TTC28: variants seen among roughly 807,000 people sequenced by gnomAD.
The protein encoded by TTC28 is tetratricopeptide repeat protein 28.
A neutral mutation model predicts 198.0 loss-of-function variants in TTC28; 61 were observed. The observed-to-expected ratio is 0.31, with a 90% confidence interval of 0.25 to 0.38. The LOEUF is 0.38. TTC28 is among the 10% of genes least tolerant of loss of function. TTC28 has a pLI of 1.00. For missense variants in TTC28, 2,678 were observed against 3,164.0 expected, an observed-to-expected ratio of 0.85 and a Z score of 3.69; for synonymous variants, 1,171 against 1,297.8, an observed-to-expected ratio of 0.90 and a Z score of 2.10.
intron 2 of TTC28, among the ~76,000 whole-genome samples, chr22:28,416,353 C>A (rs530966502): frequency 6.6e-6 from 1 of 152,322 alleles, no homozygotes; most frequent in African/African-American, 2.4e-5. Flanking sequence ...TACCCACACA[C>A]AATTTCCTAC....
chr22:28,068,350 G>A (rs1433426951), intron 12 of TTC28, among the ~76,000 whole-genome samples: 1 of 152,172 alleles, frequency 6.6e-6, no homozygotes, highest in Non-Finnish European at 1.5e-5. Context: ...GGTCATAGTT[G>A]TCCTGCCTCT....
intron 2 of TTC28, among the ~76,000 whole-genome samples, chr22:28,622,316 AACCACTGAGTC>A (rs2051012766): frequency 6.6e-6 from 1 of 152,242 alleles, no homozygotes; most frequent in Non-Finnish European, 1.5e-5. Flanking sequence ...ATCTTTGGCT[AACCACTGAGTC>A]ACACATGTAC....
At chr22:28,632,625 A>G (rs1416634995) in intron 1 of TTC28, among the ~76,000 whole-genome samples, 1 of 152,104 alleles carries the variant, frequency 6.6e-6, no homozygotes, top group East Asian at 1.9e-4. Flanking sequence ...TATGATCATC[A>G]TGGTTCTGCT....
At chr22:28,407,346 G>T (rs775342893) in intron 2 of TTC28, among the ~76,000 whole-genome samples, 13 of 152,142 alleles carry the variant, frequency 8.5e-5, no homozygotes, top group Non-Finnish European at 1.5e-4. Flanking sequence ...TTTTGTGTCT[G>T]ACGTTTCTCC....
At chr22:28,060,136 T>C (rs1940460496) in intron 12 of TTC28, among the ~76,000 whole-genome samples, 1 of 152,194 alleles carries the variant, frequency 6.6e-6, no homozygotes, top group Non-Finnish European at 1.5e-5. Context: ...CTAAGGTACA[T>C]GTGCACAATG....
intron 5 of TTC28, among the ~76,000 whole-genome samples, chr22:28,193,394 C>T (rs1169387918): frequency 4.6e-5 from 7 of 152,104 alleles, no homozygotes; most frequent in African/African-American, 4.8e-5. Flanking sequence ...GGCAAAATAA[C>T]CAGCTAACAT....
At chr22:28,187,793 T>G (rs1050110475) in intron 5 of TTC28, among the ~76,000 whole-genome samples, 1 of 152,212 alleles carries the variant, frequency 6.6e-6, no homozygotes, top group South Asian at 2.1e-4. Flanking sequence ...ATATTCATCA[T>G]TGGATACTTA....
intron 5 of TTC28, among the ~76,000 whole-genome samples, chr22:28,172,235 T>C (rs1922755091): frequency 6.6e-6 from 1 of 152,198 alleles, no homozygotes; most frequent in African/African-American, 2.4e-5. Flanking sequence ...CAGAGAGCTT[T>C]AGCAACTTAA....
At chr22:28,264,588 T>C (rs1931551684) in intron 5 of TTC28, among the ~76,000 whole-genome samples, 1 of 152,110 alleles carries the variant, frequency 6.6e-6, no homozygotes, top group Non-Finnish European at 1.5e-5. Context: ...ATATGATATA[T>C]AGATATAAAT....
At chr22:28,064,490 A>G (rs1018675882) in intron 12 of TTC28, among the ~76,000 whole-genome samples, 4 of 152,132 alleles carry the variant, frequency 2.6e-5, no homozygotes, top group African/African-American at 9.7e-5. Flanking sequence ...CCCCTGAACC[A>G]CTGGACAGAA....
Position 28,250,928 on chromosome 22 carries a change from T to C in TTC28, c.933+45270A>G, listed in dbSNP as rs576176206. Among the ~76,000 whole-genome samples, 15 of 152,318 alleles carry C rather than the reference T, an allele frequency of 9.8e-5. 1 individual carries two copies. In the East Asian group the frequency reaches 2.1e-3, roughly 22 times the overall value. On this transcript the variant is annotated intron_variant, in intron 5 of 22. Coordinates refer to ENST00000397906, the MANE Select transcript of TTC28 (RefSeq NM_001145418.2). The stretch of plus-strand genomic sequence containing the variant: ...ACAACCTGATGGCAAGGAAGGCCCC[T>C]TTCTGTGGTTGGCACTACAGAAGCT...
chr22:28,039,614 A>G (rs1294444563), intron 12 of TTC28, among the ~76,000 whole-genome samples: 1 of 152,208 alleles, frequency 6.6e-6, no homozygotes, highest in Non-Finnish European at 1.5e-5. Context: ...GCACATGTAT[A>G]CATATGTAAC....
At chr22:28,436,299 T>C (rs2047519262) in intron 2 of TTC28, among the ~76,000 whole-genome samples, 1 of 152,232 alleles carries the variant, frequency 6.6e-6, no homozygotes, top group African/African-American at 2.4e-5. Context: ...TATTCATCAT[T>C]TATACATTCA....
At chr22:28,331,269 G>A (rs908487857) in intron 2 of TTC28, among the ~76,000 whole-genome samples, 1 of 152,096 alleles carries the variant, frequency 6.6e-6, no homozygotes, top group Admixed American at 6.6e-5. Context: ...AGAACTGTCT[G>A]CCTCTGAAGC....
chr22:28,301,982 G>A (rs1444010030), intron 3 of TTC28, among the ~76,000 whole-genome samples: 1 of 151,906 alleles, frequency 6.6e-6, no homozygotes, highest in Non-Finnish European at 1.5e-5. Flanking sequence ...AGGCTGCAGT[G>A]AGCCATGACC....
At chr22:28,588,391 A>G (rs966634978) in intron 2 of TTC28, among the ~76,000 whole-genome samples, 3 of 152,178 alleles carry the variant, frequency 2.0e-5, no homozygotes, top group Non-Finnish European at 2.9e-5. Context: ...CACCCTTACA[A>G]CAAGAAAAAT....
intron 1 of TTC28, among the ~76,000 whole-genome samples, chr22:28,672,759 G>C (rs1317207120): frequency 6.6e-6 from 1 of 152,218 alleles, no homozygotes; most frequent in Non-Finnish European, 1.5e-5. Flanking sequence ...AGTAACTGGA[G>C]AGTAGAACAG....
chr22:28,551,399 T>C (rs111713617), intron 2 of TTC28, among the ~76,000 whole-genome samples: 1 of 151,844 alleles, frequency 6.6e-6, no homozygotes, highest in South Asian at 2.1e-4. Flanking sequence ...ATAACCCTAA[T>C]AACAAAACTG....
At chr22:28,558,864 G>A (rs1421541180) in intron 2 of TTC28, among the ~76,000 whole-genome samples, 1 of 151,718 alleles carries the variant, frequency 6.6e-6, no homozygotes, top group Non-Finnish European at 1.5e-5. Flanking sequence ...GCAAAACCCT[G>A]TCTCTACTAA....
Sources: allele counts gnomAD v4.1 joint callset (sites outside exome capture counted in the v4.1 genomes callset), GRCh38; gene constraint gnomAD v4.1.1; transcripts MANE v1.5; gene names NCBI Gene and HGNC (gene_info 2026-07-23, HGNC 2026-07-21).